POLR3A: variants seen among roughly 807,000 people sequenced by gnomAD.
POLR3A encodes the protein DNA-directed RNA polymerase III subunit RPC1.
A neutral mutation model predicts 152.8 loss-of-function variants in POLR3A; 112 were observed. The observed-to-expected ratio is 0.73, with a 90% CI of 0.63 to 0.86. The LOEUF (loss-of-function observed/expected upper bound fraction) is 0.86. POLR3A is among the 40% of genes least tolerant of loss of function. The pLI is 0.00. For synonymous variants in POLR3A, 615 were observed against 652.1 expected (o/e 0.94, Z 0.87); for missense variants, 1,385 against 1,743.1 (o/e 0.79, Z 3.66).
In POLR3A at chr10:77,983,962, G is replaced by A. The variant is rs368705519; in HGVS notation, c.3387C>T (p.Leu1129=). The part of the protein sequence containing the change: ...EVFLPDDCFI[L]VKLSLERIRL... ...TAATCCGTTCCAGGGAGAGCTTGAC[G>A]AGAATAAAGCAGTCATCAGGAAGAA... Residue 1129 remains leucine (L), a synonymous_variant, in exon 26 of 31, where the codon CTC becomes CTT. Transcript: ENST00000372371. 2.5e-5 allele frequency: 41 copies of A among 1,612,498 alleles called. No homozygotes were observed. Among genetic ancestry groups the A allele is most frequent in the Non-Finnish European group, 3.1e-5 (37 of 1,178,666 alleles).
intron 15 of POLR3A, 143 bp downstream of exon 15, chr10:78,007,559 A>G: frequency 1.4e-6 from 1 of 713,938 alleles, no homozygotes; most frequent in South Asian, 1.6e-5. Flanking sequence ...AACAGCACAC[A>G]TGATTTAGCC....
rs114221402 is a variant in POLR3A at position 77,986,025 on chromosome 10, G to T, written c.2989-40C>A. ...GCCAAGCACAGAGTTAGGGCCAGCG[G>T]CAACTACAAACAGCTCGGGGTTCTA... On this transcript the variant is annotated intron_variant, in intron 22 of 30. Coordinates refer to ENST00000372371, the MANE Select transcript of POLR3A (RefSeq NM_007055.4). The T allele has an allele frequency of 2.0e-3, 3,255 of 1,601,714 alleles. 60 individuals carry two copies. The African/African-American group carries it at 0.036, about 18-fold the overall frequency.
At chr10:77,979,493 T>C (rs957234112) in intron 30 of POLR3A, among the ~76,000 whole-genome samples, 1 of 152,118 alleles carries the variant, frequency 6.6e-6, no homozygotes, top group Non-Finnish European at 1.5e-5. Flanking sequence ...AGCCAGACAC[T>C]GGGGAGAGTT....
intron 14 of POLR3A, among the ~76,000 whole-genome samples, chr10:78,008,739 G>A (rs7915164): frequency 0.054 from 8,194 of 152,076 alleles, 725 homozygotes; most frequent in African/African-American, 0.18. Flanking sequence ...GCTGGGTGAG[G>A]TGGCTCACAC....
In POLR3A at chr10:78,022,159, C is replaced by G; in HGVS notation, c.871G>C (p.Asp291His). ...GAGGCACTGACCTTTTTAATAACAT[C>G]GTTTAGGAAAATGATTTCTGTCAGT... is the stretch of plus-strand genomic sequence containing the variant. Reference protein sequence around the residue: ...MKLTEIIFLNDVIKKHRISGA... With the variant: ...MKLTEIIFLNHVIKKHRISGA... The change falls in exon 6 of 31, where the codon GAT becomes CAT. Residue 291 changes from aspartate (D) to histidine (H), a missense_variant. Transcript: ENST00000372371. The G allele has an allele frequency of 1.2e-6, 2 of 1,614,110 alleles. No homozygotes were observed. The highest frequency in any genetic ancestry group is 1.7e-6 in the Non-Finnish European group (2 of 1,179,984).
intron 26 of POLR3A, among the ~76,000 whole-genome samples, 193 bp from the exon 27 acceptor site, chr10:77,983,010 TAA>T (rs763398903): frequency 1.3e-5 from 2 of 152,214 alleles, no homozygotes; most frequent in Non-Finnish European, 2.9e-5. Flanking sequence ...GCTTTATTCA[TAA>T]AAAGAGTAGT....
At chr10:77,985,536 A>T (rs1847188351) in intron 23 of POLR3A, among the ~76,000 whole-genome samples, 196 bp from the exon 24 acceptor site, 1 of 152,218 alleles carries the variant, frequency 6.6e-6, no homozygotes, top group Non-Finnish European at 1.5e-5. Flanking sequence ...TAAAGGTCAG[A>T]GAGGGGGCAG....
Position 78,000,117 on chromosome 10 carries a change from A to G in POLR3A, c.2480T>C (p.Leu827Pro). 6.2e-7 allele frequency: 1 copy of G among 1,614,138 alleles called. No homozygotes were observed. The highest frequency in any genetic ancestry group is 8.5e-7 in the Non-Finnish European group (1 of 1,179,984). Reference protein sequence around the residue: ...SLPHFEKHSKLPAAKGFVANS... With the variant: ...SLPHFEKHSKPPAAKGFVANS... ...AGCCACAAAGCCTTTGGCAGCTGGG[A>G]GCTAAAGAGAGGTAGAAAAAAGAAA... is the stretch of plus-strand genomic sequence containing the variant. Residue 827 changes from leucine (L) to proline (P), a missense_variant and splice_region_variant, in exon 19 of 31, where the codon CTC becomes CCC. This residue lies in a region of POLR3A where 170 missense variants were observed against 231.2 expected (regional missense o/e 0.74). Transcript: ENST00000372371.
In POLR3A at chr10:78,009,524, TC is replaced by T. The variant is rs754865254; in HGVS notation, c.1909+12del. On this transcript the variant is annotated intron_variant, in intron 14 of 30. Coordinates refer to ENST00000372371, the MANE Select transcript of POLR3A (RefSeq NM_007055.4). ...CGTTCCTCCTTCTCCCCACCCGAGT[TC>T]CGTCCACTCACAGGAATCATTGGCA... The T allele has an allele frequency of 1.2e-6, 2 of 1,614,210 alleles. No homozygotes were observed. Among genetic ancestry groups the T allele is most frequent in the Admixed American group, 3.3e-5 (2 of 60,010 alleles).
In POLR3A at chr10:78,024,586, T is replaced by C. The variant is rs971246061; in HGVS notation, c.608A>G (p.His203Arg). Residue 203 changes from histidine (H) to arginine (R), a missense_variant, in exon 5 of 31, where the codon CAT (histidine) becomes CGT (arginine). His to Arg is a conservative substitution (Grantham distance 29, BLOSUM62 0). Around this residue, in one of 7 missense-constraint regions of POLR3A, gnomAD observed 493 missense variants for 647.5 expected, o/e 0.76. Coordinates refer to ENST00000372371, the MANE Select transcript of POLR3A (RefSeq NM_007055.4). The stretch of plus-strand genomic sequence containing the variant: ...CAGCAGAGGCTCCACTTCTTTATTA[T>C]GTTCAATGGCTGTTTCAAAAGACTG... ...FLQSFETAIE[H>R]NKEVEPLLGR... The C allele has an allele frequency of 2.5e-6, 4 of 1,613,938 alleles. No individual in the cohort carries two copies. The highest frequency in any genetic ancestry group is 1.3e-5 in the African/African-American group (1 of 74,910).
At position 78,012,345 on chromosome 10, in the gene POLR3A, CAAGAGTAA is replaced by C. The variant is rs761867573; in HGVS notation, c.1572+1297_1572+1304del. ...CATCATTGCACTCCAGCCTGGGCAA[CAAGAGTAA>C]AACTCCGTCTCAAACAAACAAACAA... On this transcript the variant is annotated intron_variant, in intron 11 of 30. Transcript: ENST00000372371. Among the ~76,000 whole-genome samples the C allele has an allele frequency of 6.1e-4, 85 of 138,550 alleles. 1 individual carries two copies. The highest frequency in any genetic ancestry group is 7.7e-3 in the Middle Eastern group (2 of 260). The allele number at this position is 138,550 out of a possible 152,430, so 90.9% of individuals were successfully genotyped here. A position where few individuals can be genotyped will look rare whatever the true frequency, so the allele number is the denominator to read the frequency against.
intron 5 of POLR3A, among the ~76,000 whole-genome samples, chr10:78,023,835 G>A (rs184019606): frequency 5.3e-4 from 80 of 151,606 alleles, no homozygotes; most frequent in African/African-American, 1.7e-3. Context: ...AAAAAGAACT[G>A]AGGTAAAAAC....
chr10:77,993,556 GC>G (rs1391792997), intron 19 of POLR3A, among the ~76,000 whole-genome samples, 189 bp from the exon 20 acceptor site: 5 of 152,170 alleles, frequency 3.3e-5, no homozygotes, highest in Non-Finnish European at 5.9e-5. Flanking sequence ...ACTAGCCTGT[GC>G]AGTGGGATTT....
chr10:77,981,871 A>C (rs1431813301), intron 28 of POLR3A, among the ~76,000 whole-genome samples: 24 of 144,712 alleles, frequency 1.7e-4, no homozygotes, highest in African/African-American at 5.8e-4. Context: ...AAAAATACAA[A>C]AAAAAAAAAA....
intron 17 of POLR3A, 94 bp downstream of exon 17, chr10:78,002,103 A>T (rs1478339905): frequency 1.4e-6 from 1 of 693,074 alleles, no homozygotes; most frequent in Admixed American, 2.8e-5. Context: ...AATAAATGAA[A>T]TGTCTGTTTG....
At chr10:78,029,220 G>C (rs1847666608) in intron 1 of POLR3A, 144 bp downstream of exon 1, 5 of 830,348 alleles carry the variant, frequency 6.0e-6, no homozygotes, top group Non-Finnish European at 8.2e-6. Flanking sequence ...AACGCTGGTA[G>C]TTCTGGGCGC....
chr10:78,007,498 C>G lies in POLR3A; in HGVS notation c.2074+204G>C, dbSNP rs967050074. 9.9e-5 allele frequency among the ~76,000 whole-genome samples: 15 copies of G among 152,142 alleles called. No homozygotes were observed. The East Asian group carries it at 1.5e-3, about 16-fold the overall frequency. On this transcript the variant is annotated intron_variant, in intron 15 of 30. Transcript: ENST00000372371. ...TGGTTTTGAGAAGAGAACTGAAAAG[C>G]AAATTCAAATCTGTTGTGAAACTAT...
rs1250387293 is a variant in POLR3A, at chr10:78,021,966, C to G, written c.942G>C (p.Gln314His). Residue 314 changes from glutamine (Q) to histidine (H), a missense_variant, in exon 7 of 31, where the codon CAG becomes CAC. Around this residue, in one of 7 missense-constraint regions of POLR3A, gnomAD observed 493 missense variants for 647.5 expected, o/e 0.76. Coordinates refer to ENST00000372371, the MANE Select transcript of POLR3A (RefSeq NM_007055.4). ...QMIMEDWDFLQLQCALYINSE... is the reference protein window; with the variant it reads ...QMIMEDWDFLHLQCALYINSE... ...TGTTAATGTAGAGGGCACACTGCAG[C>G]TGCAGGAAATCCCAGTCCTCCATGA... is the stretch of plus-strand genomic sequence containing the variant. 7 of 1,614,048 alleles carry G rather than the reference C, an allele frequency of 4.3e-6. No individual in the cohort carries two copies. The highest frequency in any genetic ancestry group is 3.3e-5 in the Admixed American group (2 of 60,000).
intron 19 of POLR3A, among the ~76,000 whole-genome samples, chr10:77,995,793 G>T (rs1164544211): frequency 8.5e-5 from 13 of 152,142 alleles, no homozygotes; most frequent in African/African-American, 2.2e-4. Flanking sequence ...ATTGAACTCA[G>T]CTCTGCACCA....
Sources: allele counts gnomAD v4.1 joint callset (sites outside exome capture counted in the v4.1 genomes callset), GRCh38; gene constraint gnomAD v4.1.1; regional missense constraint gnomAD v4.1.1; transcripts MANE v1.5; gene names NCBI Gene and HGNC (gene_info 2026-07-23, HGNC 2026-07-21).